The following PREX2 variants were observed in gnomAD, a reference collection of about 807,000 sequenced individuals.
PREX2 encodes phosphatidylinositol 3,4,5-trisphosphate-dependent Rac exchanger 2 protein.
Under a neutral mutation model 203.2 loss-of-function variants are expected in PREX2, and 107 were observed. That is an observed-to-expected ratio of 0.53 (90% confidence interval 0.45 to 0.62). The LOEUF (loss-of-function observed/expected upper bound fraction) is 0.62. Ranked by LOEUF, PREX2 falls within the 20% of genes least tolerant of loss-of-function variation. The pLI is 0.00. For synonymous variants in PREX2, 672 were observed against 663.6 expected (o/e 1.01, Z -0.19); for missense variants, 1,777 against 1,955.9 (o/e 0.91, Z 1.72).
chr8:68,216,526 AT>A lies in PREX2; in HGVS notation c.4605-1083del, dbSNP rs924580050. On this transcript the variant is annotated intron_variant, in intron 37 of 39. Coordinates refer to ENST00000288368, the MANE Select transcript of PREX2 (RefSeq NM_024870.4). ...TTTTATGAAATGTATGCAAAAGAAC[AT>A]TTTTTTAATGTTCTTTTTAGTGCAT... Among the ~76,000 whole-genome samples the A allele has an allele frequency of 1.2e-4, 16 of 135,608 alleles. No individual in the cohort carries two copies. The East Asian group carries it at 1.3e-3, about 11-fold the overall frequency. The allele number at this position is 135,608 out of a possible 152,430, so 89.0% of individuals were successfully genotyped here.
chr8:67,988,105 C>T (rs1337670352), intron 1 of PREX2, among the ~76,000 whole-genome samples: 1 of 152,214 alleles, frequency 6.6e-6, no homozygotes, highest in Non-Finnish European at 1.5e-5. Flanking sequence ...ACCTTCTAGT[C>T]ATAGACTTTT....
At chr8:68,155,374 G>A (rs1468096745) in intron 34 of PREX2, among the ~76,000 whole-genome samples, 1 of 152,010 alleles carries the variant, frequency 6.6e-6, no homozygotes, top group Non-Finnish European at 1.5e-5. Context: ...CTTTTCTCAA[G>A]TATAAACTGG....
chr8:68,153,246 AAG>A (rs1166635691), intron 34 of PREX2, among the ~76,000 whole-genome samples: 1 of 152,196 alleles, frequency 6.6e-6, no homozygotes, highest in Non-Finnish European at 1.5e-5. Flanking sequence ...GTGCTATCAA[AAG>A]AGAATGTTAG....
At chr8:68,164,765 A>G (rs1408919777) in intron 35 of PREX2, among the ~76,000 whole-genome samples, 10 of 151,690 alleles carry the variant, frequency 6.6e-5, no homozygotes, top group Non-Finnish European at 1.5e-4. Flanking sequence ...TATTTTTAGT[A>G]GAGGCAGGGT....
chr8:68,049,248 G>C (rs995196), intron 8 of PREX2, among the ~76,000 whole-genome samples: 89,066 of 151,112 alleles, frequency 0.59, 28,150 homozygotes, highest in African/African-American at 0.83. Context: ...TATTTATGAA[G>C]AAATTATAAG....
intron 9 of PREX2, among the ~76,000 whole-genome samples, chr8:68,055,426 A>T (rs937564947): frequency 6.6e-6 from 1 of 151,362 alleles, no homozygotes; most frequent in African/African-American, 2.4e-5. Context: ...GGGAGAGGTG[A>T]GGTAGGCTGA....
chr8:67,979,616 T>C (rs1270290537), intron 1 of PREX2, among the ~76,000 whole-genome samples: 1 of 152,172 alleles, frequency 6.6e-6, no homozygotes, highest in Non-Finnish European at 1.5e-5. Context: ...GGTTTTATGG[T>C]TTGTGGTTTG....
At position 68,101,939 on chromosome 8, in the gene PREX2, T is replaced by C. The variant is rs190489926; in HGVS notation, c.2715+2096T>C. 1.7e-4 allele frequency among the ~76,000 whole-genome samples: 26 copies of C among 152,232 alleles called. 1 individual carries two copies. The East Asian group carries it at 4.2e-3, about 25-fold the overall frequency. On this transcript the variant is annotated intron_variant, in intron 23 of 39. Transcript: ENST00000288368. ...TAGGTAGCAAATTGATGCAGCTGCT[T>C]TAAGAATAAGGACCAAGAGAACACA...
intron 31 of PREX2, among the ~76,000 whole-genome samples, chr8:68,133,572 C>CT (rs542797538): frequency 5.3e-5 from 8 of 152,144 alleles, no homozygotes; most frequent in Non-Finnish European, 8.8e-5. Flanking sequence ...ATCGTATACT[C>CT]TTTTTCCCCA....
chr8:68,045,963 C>T (rs1243928583), intron 8 of PREX2, among the ~76,000 whole-genome samples: 1 of 119,764 alleles, frequency 8.3e-6, no homozygotes. Flanking sequence ...CCTCTGTAAC[C>T]TGCATGTTCA....
chr8:68,089,440 T>C (rs1389954225), intron 19 of PREX2, among the ~76,000 whole-genome samples: 1 of 152,196 alleles, frequency 6.6e-6, no homozygotes, highest in Non-Finnish European at 1.5e-5. Flanking sequence ...GTTGAGACTC[T>C]TAGTCAAGGC....
At chr8:68,040,713 C>G (rs1186845864) in intron 7 of PREX2, among the ~76,000 whole-genome samples, 1 of 152,110 alleles carries the variant, frequency 6.6e-6, no homozygotes, top group East Asian at 1.9e-4. Flanking sequence ...TGTTTACTTC[C>G]TGCCACCTTT....
chr8:68,215,644 C>T (rs999357553), intron 37 of PREX2, among the ~76,000 whole-genome samples: 11 of 152,074 alleles, frequency 7.2e-5, no homozygotes, highest in Non-Finnish European at 1.5e-5. Context: ...ACGCCCTTCT[C>T]CTGCCTCAGC....
Position 68,157,493 on chromosome 8 carries a change from T to C in PREX2, c.4346+57T>C, listed in dbSNP as rs865775023. On this transcript the variant is annotated intron_variant, in intron 35 of 39. Coordinates refer to ENST00000288368, the MANE Select transcript of PREX2 (RefSeq NM_024870.4). ...TGTCTATATTTTGATAGAAATGTAT[T>C]AATAGGACTTTTGATGCTATTTATC... 2.1e-5 allele frequency: 18 copies of C among 852,364 alleles called. 1 individual carries two copies. The Middle Eastern group carries it at 1.8e-3, about 84-fold the overall frequency. The allele number at this position is 852,364 out of a possible 1,614,324, so 52.8% of individuals were successfully genotyped here.
chr8:67,953,933 GTTCT>G (rs1377260018), intron 1 of PREX2, among the ~76,000 whole-genome samples: 1 of 152,098 alleles, frequency 6.6e-6, no homozygotes, highest in Non-Finnish European at 1.5e-5. Context: ...TGGTAACAAA[GTTCT>G]TTGTCTTTTG....
chr8:68,120,313 A>G, intron 29 of PREX2, 27 bp downstream of exon 29: 1 of 1,525,042 alleles, frequency 6.6e-7, no homozygotes. Flanking sequence ...TAACTAGTAG[A>G]AGCAATTGAG....
At chr8:68,055,788 A>T (rs1808659790) in intron 9 of PREX2, 42 bp from the exon 10 acceptor site, 5 of 1,576,978 alleles carry the variant, frequency 3.2e-6, no homozygotes, top group Non-Finnish European at 4.3e-6. Flanking sequence ...GAATGAATGA[A>T]GAGAATTTTC....
chr8:68,194,467 TGGG>T (rs567512347), intron 37 of PREX2, among the ~76,000 whole-genome samples: 1 of 151,814 alleles, frequency 6.6e-6, no homozygotes, highest in African/African-American at 2.4e-5. Context: ...AGATTTGTGA[TGGG>T]GGATTTCATA....
At chr8:67,986,519 A>C (rs570442216) in intron 1 of PREX2, among the ~76,000 whole-genome samples, 1 of 152,206 alleles carries the variant, frequency 6.6e-6, no homozygotes, top group East Asian at 1.9e-4. Context: ...TGCTTGCTAC[A>C]TGTAGACATC....
Sources: gnomAD v4.1 joint callset for allele counts (sites outside exome capture counted in the v4.1 genomes callset) on GRCh38, gnomAD v4.1.1 for gene constraint, MANE v1.5 for transcripts, NCBI Gene and HGNC (gene_info 2026-07-23, HGNC 2026-07-21) for gene names.